Variants in LRP8 observed in about 807,000 individuals in gnomAD.
The protein encoded by LRP8 is LDL receptor related protein 8, also known as low-density lipoprotein receptor-related protein 8.
Under a neutral mutation model 111.6 loss-of-function variants are expected in LRP8, and 46 were observed. The observed-to-expected ratio is 0.41, with a 90% CI of 0.33 to 0.53. LRP8 has a LOEUF of 0.53. Ranked by LOEUF, LRP8 falls within the 20% of genes least tolerant of loss-of-function variation. The probability of loss-of-function intolerance (pLI) is 0.20; values close to 1 mark genes in which losing one functional copy is unlikely to be tolerated. For synonymous variants in LRP8, 464 were observed against 511.2 expected, an observed-to-expected ratio of 0.91 and a Z score of 1.24; for missense variants, 959 against 1,297.4, an observed-to-expected ratio of 0.74 and a Z score of 4.01.
chr1:53,275,731 G>A lies in LRP8; in HGVS notation c.906C>T (p.Asp302=), dbSNP rs757325426. The A allele has an allele frequency of 1.4e-5, 23 of 1,614,028 alleles. No individual in the cohort carries two copies. Among genetic ancestry groups the A allele is most frequent in the South Asian group, 5.5e-5 (5 of 91,084 alleles). ...ADCPLGTCRG[D]EFQCGDGTCV... ...ATGTCCCATCCCCACACTGGAACTC[G>A]TCCCCACGGCAGGTGCCCAGTGCTG... The change falls in exon 6 of 19, where the codon GAC becomes GAT. Residue 302 remains aspartate (D), a synonymous_variant. Coordinates refer to ENST00000306052, the MANE Select transcript of LRP8 (RefSeq NM_004631.5). This position sits in a 1 kb window ranked among gnomAD's most constrained non-coding sequence, Gnocchi z 4.4.
chr1:53,306,231 G>A (rs1651936958), intron 2 of LRP8: 1 of 152,240 alleles, frequency 6.6e-6, no homozygotes, highest in Non-Finnish European at 1.5e-5. Flanking sequence ...TATACAGAAT[G>A]TACAGCCCAG....
rs1645827670 is a variant in LRP8, at chr1:53,249,461, A to G, written c.2772T>C (p.Phe924=). The change falls in exon 18 of 19, where the codon TTT becomes TTC. Residue 924 remains phenylalanine (F), a synonymous_variant. Coordinates refer to ENST00000306052, the MANE Select transcript of LRP8 (RefSeq NM_004631.5). The surrounding 1 kb of genome is among the most constrained non-coding windows in gnomAD (Gnocchi z 4.1). ...GTGACCTTGGTTCCCCCGGCAAGACAAAAAGCTCCTTGAGGGCAGGGGCTG... is the reference window on the plus strand; with the variant it reads ...GTGACCTTGGTTCCCCCGGCAAGACGAAAAGCTCCTTGAGGGCAGGGGCTG... The part of the protein sequence containing the change: ...EDPAPALKEL[F]VLPGEPRSQL... 6.2e-7 allele frequency: 1 copy of G among 1,614,164 alleles called. No homozygotes were observed. Among genetic ancestry groups the G allele is most frequent in the South Asian group, 1.1e-5 (1 of 91,072 alleles).
intron 2 of LRP8, chr1:53,307,395 T>C (rs1255339847): frequency 6.6e-6 from 1 of 152,330 alleles, no homozygotes; most frequent in East Asian, 1.9e-4. Flanking sequence ...CTTCCCTATC[T>C]GCACACAGCT....
rs1041695279 is a variant in LRP8 at position 53,246,341 on chromosome 1, A to T, written c.*677T>A. The T allele has an allele frequency of 5.9e-5, 9 of 152,192 alleles. No homozygotes were observed. The highest frequency in any genetic ancestry group is 2.2e-4 in the African/African-American group (9 of 41,438). The allele number at this position is 152,192 out of a possible 1,614,324, so 9.4% of individuals were successfully genotyped here. A position where few individuals can be genotyped will look rare whatever the true frequency, so the allele number is the denominator to read the frequency against. ...TGTGAAAATAAATTTATCTTTATGTATTTGAACAGTAGCCATAGATGTGCC... is the reference window on the plus strand; with the variant it reads ...TGTGAAAATAAATTTATCTTTATGTTTTTGAACAGTAGCCATAGATGTGCC... On this transcript the variant is annotated 3_prime_UTR_variant, in exon 19 of 19. Transcript: ENST00000306052.
intron 13 of LRP8, among the ~76,000 whole-genome samples, chr1:53,259,831 C>T (rs1449304522): frequency 6.6e-6 from 1 of 152,114 alleles, no homozygotes; most frequent in Non-Finnish European, 1.5e-5. Flanking sequence ...CATACTATGT[C>T]TCTCATTTAA....
In LRP8 at chr1:53,303,316, G is replaced by T. The variant is rs1001567356; in HGVS notation, c.245-13627C>A. ...GTGGGGAGCAGCCAGTCCTCACAGG[G>T]CCTGTGGGAGGCTCTGGTGGAGCCA... On this transcript the variant is annotated intron_variant, in intron 2 of 18. Transcript: ENST00000306052. The surrounding 1 kb of genome is among the most constrained non-coding windows in gnomAD (Gnocchi z 4.3). Among the ~76,000 whole-genome samples the T allele has an allele frequency of 3.9e-5, 6 of 152,238 alleles. No individual in the cohort carries two copies. The highest frequency in any genetic ancestry group is 1.4e-4 in the African/African-American group (6 of 41,466).
intron 2 of LRP8, 57 bp from the exon 3 acceptor site, chr1:53,289,746 C>G (rs535447996): frequency 1.4e-5 from 22 of 1,600,402 alleles, no homozygotes; most frequent in Non-Finnish European, 1.6e-5. Context: ...GGGTGGTGGG[C>G]CGACCAGGAT....
At position 53,327,836 on chromosome 1, in the gene LRP8, A is replaced by AGCT. The variant is rs1475361962; in HGVS notation, c.74_76dup (p.Gln25dup). On this transcript the variant is annotated inframe_insertion, in exon 1 of 19. Coordinates refer to ENST00000306052, the MANE Select transcript of LRP8 (RefSeq NM_004631.5). The stretch of plus-strand genomic sequence containing the variant: ...AGCCGCTGCCGCCGCAAGATGCTGG[A>AGCT]GCTGCAGCAGCAGCAGCAGCAGCAG... 1 of 1,493,302 alleles carries AGCT rather than the reference A, an allele frequency of 6.7e-7. No individual in the cohort carries two copies. The highest frequency in any genetic ancestry group is 8.8e-7 in the Non-Finnish European group (1 of 1,130,912). The allele number at this position is 1,493,302 out of a possible 1,614,324, so 92.5% of individuals were successfully genotyped here.
rs771242976 is a variant in LRP8, at chr1:53,326,882, C to T, written c.235G>A (p.Asp79Asn). ...CTGGCCCGCCACTCACGGCAGTCGT[C>T]CTCGTCGCTGTGGTCTAAGCAGTCA... is the stretch of plus-strand genomic sequence containing the variant. ...DDDCLDHSDEDDCPKKTCADS... is the reference protein window; with the variant it reads ...DDDCLDHSDENDCPKKTCADS... Residue 79 changes from aspartate to asparagine, a missense_variant, in exon 2 of 19, where the codon GAC becomes AAC. Transcript: ENST00000306052. 1.9e-6 allele frequency: 3 copies of T among 1,612,950 alleles called. No homozygotes were observed. The highest frequency in any genetic ancestry group is 1.7e-6 in the Non-Finnish European group (2 of 1,179,660).
intron 13 of LRP8, among the ~76,000 whole-genome samples, chr1:53,258,981 T>C (rs1291700616): frequency 1.3e-5 from 2 of 152,254 alleles, no homozygotes; most frequent in Admixed American, 6.5e-5. Context: ...CATTATTTTG[T>C]TCCTTTTTAT....
rs1646298663 is a variant in LRP8 at position 53,260,672 on chromosome 1, T to G, written c.1915-67A>C. On this transcript the variant is annotated intron_variant, in intron 12 of 18. Coordinates refer to ENST00000306052, the MANE Select transcript of LRP8 (RefSeq NM_004631.5). Reference sequence around the variant, plus strand: ...AATCCATGACCTCAGTCTGAGGGGTTGGCCCCAAACCATAGTCACAAGAAC... The same window carrying G: ...AATCCATGACCTCAGTCTGAGGGGTGGGCCCCAAACCATAGTCACAAGAAC... 23 of 1,544,770 alleles carry G rather than the reference T, an allele frequency of 1.5e-5. 1 individual carries two copies. In the South Asian group the frequency reaches 2.7e-4, roughly 18 times the overall value.
chr1:53,291,177 T>C (rs1182424991), intron 2 of LRP8, among the ~76,000 whole-genome samples: 2 of 152,040 alleles, frequency 1.3e-5, no homozygotes, highest in African/African-American at 4.8e-5. Flanking sequence ...GAGATAAGCT[T>C]TCAGGTGTGG....
chr1:53,262,148 C>T lies in LRP8; in HGVS notation c.1834G>A (p.Asp612Asn). The change falls in exon 12 of 19, where the codon GAC becomes AAC. Residue 612 changes from aspartate (D) to asparagine (N), a missense_variant. By Grantham distance (23) the Asp-to-Asn change is conservative. Around this residue, in one of 3 missense-constraint regions of LRP8, gnomAD observed 819 missense variants for 1,097.6 expected, o/e 0.75. Transcript: ENST00000306052. The surrounding 1 kb of genome is among the most constrained non-coding windows in gnomAD (Gnocchi z 4.8). The part of the protein sequence containing the change: ...DSKLHQLSSI[D>N]FSGGNRKTLI... Reference sequence around the variant, plus strand: ...GTCTTTCTGTTGCCTCCACTGAAGTCAATGCTGGACAGTTGGTGTAGCTTG... The same window carrying T: ...GTCTTTCTGTTGCCTCCACTGAAGTTAATGCTGGACAGTTGGTGTAGCTTG... 1 of 1,614,084 alleles carries T rather than the reference C, an allele frequency of 6.2e-7. No individual in the cohort carries two copies. The highest frequency in any genetic ancestry group is 8.5e-7 in the Non-Finnish European group (1 of 1,180,040).
At position 53,277,161 on chromosome 1, in the gene LRP8, C is replaced by G. The variant is rs577791380; in HGVS notation, c.497-83G>C. 101 of 1,349,804 alleles carry G rather than the reference C, an allele frequency of 7.5e-5. No homozygotes were observed. The South Asian group carries it at 1.5e-3, about 20-fold the overall frequency. The allele number at this position is 1,349,804 out of a possible 1,614,324, so 83.6% of individuals were successfully genotyped here. On this transcript the variant is annotated intron_variant, in intron 4 of 18. Coordinates refer to ENST00000306052, the MANE Select transcript of LRP8 (RefSeq NM_004631.5). ...CCCGCTGGTCCGGCTACAGGGGCTC[C>G]GACCCTCACCCGGGGGCCAGAACAA...
chr1:53,267,838 A>G (rs1646631367), intron 8 of LRP8: 1 of 152,094 alleles, frequency 6.6e-6, no homozygotes. Flanking sequence ...GTATTGGGCC[A>G]CTCTCAGGCA....
rs1646570854 is a variant in LRP8 at position 53,266,618 on chromosome 1, T to A, written c.1282A>T (p.Asn428Tyr). The A allele has an allele frequency of 6.2e-7, 1 of 1,613,930 alleles. No homozygotes were observed. Among genetic ancestry groups the A allele is most frequent in the Non-Finnish European group, 8.5e-7 (1 of 1,179,992 alleles). The change falls in exon 9 of 19, where the codon AAC (asparagine) becomes TAC (tyrosine). Residue 428 changes from asparagine (N) to tyrosine (Y), a missense_variant. Transcript: ENST00000306052. This position sits in a 1 kb window ranked among gnomAD's most constrained non-coding sequence, Gnocchi z 5.0. ...AGKSPSLIFT[N>Y]RHEVRRIDLV... ...TCGATCCTCCGCACCTCGTGCCGGT[T>A]GGTGAAGATTAGGGATGGGCTCTTG...
At chr1:53,304,452 T>C (rs2788036) in intron 2 of LRP8, 66,430 of 152,174 alleles carry the variant, frequency 0.44, 15,002 homozygotes, top group East Asian at 0.68. Context: ...TCCCCTCACC[T>C]GGCCCTGTCC....
At chr1:53,298,912 C>T (rs1460024214) in intron 2 of LRP8, among the ~76,000 whole-genome samples, 2 of 152,250 alleles carry the variant, frequency 1.3e-5, no homozygotes, top group African/African-American at 4.8e-5. Flanking sequence ...GGAGAAGGTT[C>T]TAGATCTCAT....
intron 2 of LRP8, among the ~76,000 whole-genome samples, chr1:53,310,525 ACT>A (rs1347832485): frequency 1.3e-5 from 2 of 152,162 alleles, no homozygotes; most frequent in Non-Finnish European, 2.9e-5. Flanking sequence ...ACCTATGATT[ACT>A]GACAACCCAG....
Sources: allele counts gnomAD v4.1 joint callset (sites outside exome capture counted in the v4.1 genomes callset), GRCh38; gene constraint gnomAD v4.1.1; regional missense constraint gnomAD v4.1.1; non-coding constraint Gnocchi (gnomAD v3.1); transcripts MANE v1.5; gene names NCBI Gene and HGNC (gene_info 2026-07-23, HGNC 2026-07-21).